Variants in CSMD1 observed in about 807,000 individuals in gnomAD.
The protein encoded by CSMD1 is CUB and sushi domain-containing protein 1.
Under a neutral mutation model 417.5 loss-of-function variants are expected in CSMD1, and 213 were observed. The observed-to-expected ratio is 0.51, with a 90% CI of 0.46 to 0.57. The LOEUF (loss-of-function observed/expected upper bound fraction) is 0.57. CSMD1 is among the 20% of genes least tolerant of loss of function. The pLI is 0.00. For synonymous variants in CSMD1, 2,862 were observed against 1,736.8 expected, an observed-to-expected ratio of 1.65 and a Z score of -16.11; for missense variants, 6,923 against 4,529.7, an observed-to-expected ratio of 1.53 and a Z score of -15.17.
At position 3,396,355 on chromosome 8, in the gene CSMD1, G is replaced by A. The variant is rs373861459; in HGVS notation, c.2432C>T (p.Thr811Ile). ...GGCTGGCCCATCTCTGACCTCCAAG[G>A]TGTCATAATTGACCTCTGTCTGAAA... is the stretch of plus-strand genomic sequence containing the variant. ...DRFQTEVNYD[T>I]LEVRDGPASS... Residue 811 changes from threonine to isoleucine, a missense_variant, in exon 17 of 70, where the codon ACC becomes ATC. Transcript: ENST00000635120. 2.5e-6 allele frequency: 4 copies of A among 1,599,310 alleles called. No homozygotes were observed. Among genetic ancestry groups the A allele is most frequent in the African/African-American group, 2.7e-5 (2 of 74,556 alleles).
intron 7 of CSMD1, among the ~76,000 whole-genome samples, chr8:3,678,684 G>C (rs1470782788): frequency 2.6e-5 from 4 of 152,002 alleles, no homozygotes; most frequent in Non-Finnish European, 2.9e-5. Flanking sequence ...GAAACACAGA[G>C]GACGCCACAA....
intron 3 of CSMD1, among the ~76,000 whole-genome samples, chr8:4,348,492 G>A (rs927540381): frequency 2.0e-5 from 3 of 151,836 alleles, no homozygotes; most frequent in African/African-American, 7.3e-5. Context: ...TCCACAAAAA[G>A]GTAGCTTAAT....
chr8:3,993,308 A>C (rs1814904115), intron 5 of CSMD1, among the ~76,000 whole-genome samples: 1 of 152,184 alleles, frequency 6.6e-6, no homozygotes, highest in African/African-American at 2.4e-5. Flanking sequence ...CACGTGAGAG[A>C]AGGATTGATT....
At chr8:3,780,932 T>C (rs186511958) in intron 5 of CSMD1, among the ~76,000 whole-genome samples, 2 of 152,356 alleles carry the variant, frequency 1.3e-5, no homozygotes, top group African/African-American at 4.8e-5. Flanking sequence ...CATGGCTTTC[T>C]AAATGTAAAA....
At chr8:3,326,367 C>T (rs1422339153) in intron 23 of CSMD1, among the ~76,000 whole-genome samples, 1 of 152,198 alleles carries the variant, frequency 6.6e-6, no homozygotes, top group Non-Finnish European at 1.5e-5. Context: ...CCACCTTCCT[C>T]CCTTTGAGAA....
At position 4,737,538 on chromosome 8, in the gene CSMD1, G is replaced by A. The variant is rs139361419; in HGVS notation, c.86-99980C>T. Among the ~76,000 whole-genome samples, 151 of 152,174 alleles carry A rather than the reference G, an allele frequency of 9.9e-4. 3 individuals are homozygous for A. In the East Asian group the frequency reaches 0.028, roughly 28 times the overall value. On this transcript the variant is annotated intron_variant, in intron 1 of 69. Coordinates refer to ENST00000635120, the MANE Select transcript of CSMD1 (RefSeq NM_033225.6). ...AAACATCATTACCAGACACATGATT[G>A]ATGATTTCCCTTATAGACACGGAAG...
At chr8:4,154,735 G>C (rs1053308162) in intron 3 of CSMD1, among the ~76,000 whole-genome samples, 3 of 152,170 alleles carry the variant, frequency 2.0e-5, no homozygotes, top group South Asian at 2.1e-4. Context: ...CCTACCTTAT[G>C]CAAGTAAGGC....
At chr8:3,566,151 G>A (rs1031324114) in intron 10 of CSMD1, among the ~76,000 whole-genome samples, 6 of 151,806 alleles carry the variant, frequency 4.0e-5, no homozygotes, top group African/African-American at 1.5e-4. Context: ...AAAGAGGAGA[G>A]GAGGCAAACA....
At chr8:4,930,742 G>T (rs922836066) in intron 1 of CSMD1, among the ~76,000 whole-genome samples, 1 of 152,120 alleles carries the variant, frequency 6.6e-6, no homozygotes, top group Admixed American at 6.5e-5. Flanking sequence ...GATACAAAAG[G>T]TTACCAGGTG....
At chr8:4,118,665 A>G (rs914369838) in intron 3 of CSMD1, among the ~76,000 whole-genome samples, 2 of 152,182 alleles carry the variant, frequency 1.3e-5, no homozygotes, top group African/African-American at 4.8e-5. Context: ...TAGTTCAACC[A>G]TTGTGGAAGA....
chr8:4,459,404 G>A (rs915069633), intron 2 of CSMD1, among the ~76,000 whole-genome samples: 3 of 152,344 alleles, frequency 2.0e-5, no homozygotes, highest in African/African-American at 7.2e-5. Flanking sequence ...AGCAGAAGCT[G>A]AGAGTGTCTC....
At chr8:4,592,736 G>A (rs534837571) in intron 2 of CSMD1, among the ~76,000 whole-genome samples, 1 of 152,014 alleles carries the variant, frequency 6.6e-6, no homozygotes. Context: ...CAAAATGTGT[G>A]CTAAATTTTT....
chr8:3,440,041 G>A (rs1814871110), intron 12 of CSMD1, among the ~76,000 whole-genome samples: 9 of 152,020 alleles, frequency 5.9e-5, no homozygotes, highest in Admixed American at 5.9e-4. Flanking sequence ...ACACCACATG[G>A]TCTTGATTAC....
chr8:4,126,863 C>T (rs1001519592), intron 3 of CSMD1, among the ~76,000 whole-genome samples: 9 of 152,106 alleles, frequency 5.9e-5, no homozygotes, highest in Admixed American at 5.9e-4. Context: ...AAAGATCAGT[C>T]CCAGGACCAC....
intron 1 of CSMD1, among the ~76,000 whole-genome samples, chr8:4,895,865 C>G (rs1363840707): frequency 1.3e-5 from 2 of 152,106 alleles, no homozygotes; most frequent in Admixed American, 6.5e-5. Context: ...CTTCCTTTCA[C>G]TTGCCTTTTG....
At chr8:3,456,030 C>T (rs62505643) in intron 12 of CSMD1, among the ~76,000 whole-genome samples, 140 of 152,250 alleles carry the variant, frequency 9.2e-4, no homozygotes, top group African/African-American at 3.0e-3. Context: ...CTCCCCCAGC[C>T]TCGCCGCCGC....
chr8:3,291,357 A>T (rs1478726091), intron 25 of CSMD1, among the ~76,000 whole-genome samples: 1 of 27,404 alleles, frequency 3.6e-5, no homozygotes, highest in Non-Finnish European at 1.2e-4. Context: ...GTTAGGGAGG[A>T]TTCCCATCTT....
chr8:4,385,746 C>G (rs892840924), intron 3 of CSMD1, among the ~76,000 whole-genome samples: 13 of 152,116 alleles, frequency 8.5e-5, no homozygotes, highest in Admixed American at 7.9e-4. Context: ...TTATAAAAAT[C>G]TAAAGAGGAA....
chr8:4,916,473 A>C (rs1314454303), intron 1 of CSMD1, among the ~76,000 whole-genome samples: 1 of 152,238 alleles, frequency 6.6e-6, no homozygotes, highest in African/African-American at 2.4e-5. Context: ...GGTTTTGTTC[A>C]ACTTGCAATG....
Sources: allele counts gnomAD v4.1 joint callset (sites outside exome capture counted in the v4.1 genomes callset), GRCh38; gene constraint gnomAD v4.1.1; transcripts MANE v1.5; gene names NCBI Gene and HGNC (gene_info 2026-07-23, HGNC 2026-07-21).